The following KIAA0825 variants were observed in gnomAD, a reference collection of about 807,000 sequenced individuals.
KIAA0825 encodes the protein KIAA0825.
Under a neutral mutation model 147.6 loss-of-function variants are expected in KIAA0825, and 119 were observed. That is an observed-to-expected ratio of 0.81 (90% CI 0.69 to 0.94). KIAA0825 has a LOEUF of 0.94. KIAA0825 is among the 40% of genes least tolerant of loss of function. The pLI is 0.00. For synonymous variants in KIAA0825, 470 were observed against 518.1 expected (o/e 0.91, Z 1.26); for missense variants, 1,381 against 1,472.7 (o/e 0.94, Z 1.02).
intron 9 of KIAA0825, 99 bp from the exon 10 acceptor site, chr5:94,470,210 A>C: frequency 2.7e-6 from 2 of 750,776 alleles, no homozygotes; most frequent in Non-Finnish European, 3.8e-6. Context: ...ATTAGATATC[A>C]ATCATTCATT....
rs564619356 is a variant in KIAA0825 at position 94,602,548 on chromosome 5, G to T, written c.-153+15952C>A. Among the ~76,000 whole-genome samples, 788 of 152,210 alleles carry T rather than the reference G, an allele frequency of 5.2e-3. 28 individuals are homozygous for T. The highest frequency in any genetic ancestry group is 0.047 in the Admixed American group (721 of 15,286). ...GAGAGGAACCCTCTGGGAAGTAATT[G>T]AATCAAGGGAGTGCTTACCCTCATG... On this transcript the variant is annotated intron_variant, in intron 1 of 20. Transcript: ENST00000682413.
intron 6 of KIAA0825, among the ~76,000 whole-genome samples, chr5:94,484,559 TG>T (rs1762829899): frequency 6.6e-6 from 1 of 151,782 alleles, no homozygotes; most frequent in Admixed American, 6.6e-5. Context: ...TATGATGCTT[TG>T]TCAATTAGAA....
chr5:94,437,989 C>A (rs766020707), intron 14 of KIAA0825, among the ~76,000 whole-genome samples: 1 of 152,192 alleles, frequency 6.6e-6, no homozygotes, highest in Admixed American at 6.5e-5. Context: ...CAAAAATCTA[C>A]AGTACAGCCT....
intron 5 of KIAA0825, among the ~76,000 whole-genome samples, chr5:94,492,992 A>G (rs184565241): frequency 6.6e-6 from 1 of 152,282 alleles, no homozygotes; most frequent in East Asian, 1.9e-4. Flanking sequence ...TGTGATCATC[A>G]TCTTTTAGAA....
chr5:94,216,047 C>T (rs1428302643), intron 20 of KIAA0825, among the ~76,000 whole-genome samples: 2 of 152,112 alleles, frequency 1.3e-5, no homozygotes, highest in South Asian at 2.1e-4. Flanking sequence ...GTTCCTCTAC[C>T]ATGATTTTGG....
chr5:94,166,220 A>G (rs142060407), intron 20 of KIAA0825, among the ~76,000 whole-genome samples: 70 of 152,346 alleles, frequency 4.6e-4, no homozygotes, highest in African/African-American at 1.5e-3. Context: ...GAAGAGCTGA[A>G]TATGGTTTTG....
At chr5:94,158,368 A>T (rs1429370143) in intron 20 of KIAA0825, among the ~76,000 whole-genome samples, 1 of 152,114 alleles carries the variant, frequency 6.6e-6, no homozygotes, top group African/African-American at 2.4e-5. Flanking sequence ...CTAGAATGAT[A>T]GTTCTTAACT....
intron 3 of KIAA0825, among the ~76,000 whole-genome samples, chr5:94,526,129 C>T (rs1769232383): frequency 6.6e-6 from 1 of 151,910 alleles, no homozygotes; most frequent in Non-Finnish European, 1.5e-5. Context: ...TAAATATTTT[C>T]AAAATTTATG....
At chr5:94,281,776 T>G (rs952344463) in intron 20 of KIAA0825, among the ~76,000 whole-genome samples, 1 of 152,078 alleles carries the variant, frequency 6.6e-6, no homozygotes, top group African/African-American at 2.4e-5. Flanking sequence ...AGAACCACTG[T>G]TGTAGATAAA....
At chr5:94,470,781 C>A (rs996180404) in intron 9 of KIAA0825, among the ~76,000 whole-genome samples, 10 of 151,976 alleles carry the variant, frequency 6.6e-5, no homozygotes, top group Admixed American at 6.6e-4. Context: ...ACTGCAAAGG[C>A]TGGATAAAGA....
intron 20 of KIAA0825, among the ~76,000 whole-genome samples, chr5:94,335,224 A>C (rs761998530): frequency 3.3e-5 from 5 of 152,204 alleles, no homozygotes; most frequent in Non-Finnish European, 5.9e-5. Flanking sequence ...AAAGTTCAGT[A>C]GAGGTTTGGA....
chr5:94,384,295 G>T, intron 20 of KIAA0825, 73 bp downstream of exon 20: 1 of 1,032,326 alleles, frequency 9.7e-7, no homozygotes, highest in Non-Finnish European at 1.5e-6. Context: ...ATCTGTGTAC[G>T]TGTATACACA....
chr5:94,431,504 C>T (rs547259865), intron 14 of KIAA0825, among the ~76,000 whole-genome samples: 11 of 152,262 alleles, frequency 7.2e-5, no homozygotes, highest in South Asian at 4.2e-4. Flanking sequence ...ATACCAATTA[C>T]GTCAATTAAC....
chr5:94,477,054 C>T, intron 7 of KIAA0825, 57 bp downstream of exon 7: 8 of 1,169,904 alleles, frequency 6.8e-6, no homozygotes, highest in Non-Finnish European at 9.9e-6. Context: ...AATGGATTCA[C>T]AGGCATATGA....
chr5:94,177,443 C>T (rs188203615), intron 20 of KIAA0825, among the ~76,000 whole-genome samples: 24 of 152,056 alleles, frequency 1.6e-4, no homozygotes, highest in Non-Finnish European at 7.4e-5. Flanking sequence ...TTGCTACTAA[C>T]CTGGCATTTC....
intron 5 of KIAA0825, among the ~76,000 whole-genome samples, chr5:94,511,261 CCT>C (rs1027129680): frequency 2.6e-5 from 4 of 152,312 alleles, no homozygotes; most frequent in African/African-American, 9.6e-5. Context: ...CCTCCTCACC[CCT>C]GACTATGGTA....
chr5:94,580,508 C>T (rs1371668839), intron 2 of KIAA0825, among the ~76,000 whole-genome samples: 1 of 151,978 alleles, frequency 6.6e-6, no homozygotes, highest in Non-Finnish European at 1.5e-5. Context: ...TCTTTCTTCT[C>T]TCCCGTTTCT....
At chr5:94,448,671 C>T (rs899424026) in intron 13 of KIAA0825, among the ~76,000 whole-genome samples, 6 of 152,118 alleles carry the variant, frequency 3.9e-5, no homozygotes, top group Admixed American at 3.3e-4. Flanking sequence ...TGTTTGTCAT[C>T]ATCCAATTCC....
intron 20 of KIAA0825, among the ~76,000 whole-genome samples, chr5:94,378,407 C>T (rs1228858888): frequency 1.3e-5 from 2 of 152,194 alleles, no homozygotes; most frequent in East Asian, 3.8e-4. Flanking sequence ...TCTCCAGCTC[C>T]ATCCACATCC....
Sources: allele counts gnomAD v4.1 joint callset (sites outside exome capture counted in the v4.1 genomes callset), GRCh38; gene constraint gnomAD v4.1.1; transcripts MANE v1.5; gene names NCBI Gene and HGNC (gene_info 2026-07-23, HGNC 2026-07-21).